Variants in EPC2 observed in about 807,000 individuals in gnomAD.
EPC2 encodes enhancer of polycomb homolog 2.
EPC2 carries 14 observed loss-of-function variants against 92.1 expected under a neutral mutation model. The ratio of observed to expected loss-of-function variants is 0.15; its 90% CI spans 0.10 to 0.24. EPC2 has a LOEUF of 0.24. Among genes scored for constraint, EPC2 ranks in the 10% least tolerant of loss-of-function variants. The pLI, the probability that EPC2 is intolerant of heterozygous loss-of-function variation, is 1.00. For synonymous variants in EPC2, 340 were observed against 334.7 expected (o/e 1.02, Z -0.17); for missense variants, 755 against 971.5 (o/e 0.78, Z 2.96).
At chr2:148,765,991 G>A (rs1217974028) in intron 7 of EPC2, among the ~76,000 whole-genome samples, 1 of 152,080 alleles carries the variant, frequency 6.6e-6, no homozygotes, top group African/African-American at 2.4e-5. Context: ...AGCTGAGATC[G>A]CACCACTGCA....
At chr2:148,779,301 G>A (rs912859610) in intron 10 of EPC2, among the ~76,000 whole-genome samples, 1 of 152,170 alleles carries the variant, frequency 6.6e-6, no homozygotes, top group Non-Finnish European at 1.5e-5. Flanking sequence ...AGCAATTTGG[G>A]CTGGTCACAG....
chr2:148,731,714 A>G (rs1682635419), intron 2 of EPC2, among the ~76,000 whole-genome samples: 1 of 152,170 alleles, frequency 6.6e-6, no homozygotes, highest in South Asian at 2.1e-4. Context: ...AAATTTACAG[A>G]TGCATGAAAG....
intron 2 of EPC2, among the ~76,000 whole-genome samples, chr2:148,733,833 A>C (rs1216268598): frequency 1.3e-5 from 2 of 152,080 alleles, no homozygotes; most frequent in African/African-American, 4.8e-5. Context: ...AAATGTAAAA[A>C]TCTGTTTGTT....
At chr2:148,743,789 T>A in intron 3 of EPC2, 22 bp downstream of exon 3, 1 of 1,482,608 alleles carries the variant, frequency 6.7e-7, no homozygotes, top group Non-Finnish European at 8.9e-7. Context: ...TGTAAAGATG[T>A]CTCTTATCTT....
intron 2 of EPC2, among the ~76,000 whole-genome samples, chr2:148,708,675 C>G (rs919727504): frequency 2.0e-5 from 3 of 152,208 alleles, no homozygotes; most frequent in African/African-American, 7.2e-5. Flanking sequence ...CCCTGGGATG[C>G]AAGGCTGGTT....
chr2:148,755,499 C>T (rs1466372010), intron 4 of EPC2, among the ~76,000 whole-genome samples: 9 of 152,144 alleles, frequency 5.9e-5, no homozygotes, highest in Admixed American at 5.9e-4. Context: ...ATTTCGGTCA[C>T]TGACGGGCTG....
chr2:148,700,892 G>A (rs1416283639), intron 2 of EPC2, among the ~76,000 whole-genome samples: 1 of 152,002 alleles, frequency 6.6e-6, no homozygotes, highest in Non-Finnish European at 1.5e-5. Context: ...TGACATAATA[G>A]TGTCTTCCTG....
chr2:148,678,865 C>G (rs746657965), intron 1 of EPC2, among the ~76,000 whole-genome samples: 6 of 152,212 alleles, frequency 3.9e-5, no homozygotes, highest in Non-Finnish European at 8.8e-5. Flanking sequence ...AAGGGCTCCT[C>G]AAGTGCCGCC....
Position 148,717,292 on chromosome 2 carries a change from C to G in EPC2, c.314-26330C>G, listed in dbSNP as rs545663048. Among the ~76,000 whole-genome samples, 3 of 143,760 alleles carry G rather than the reference C, an allele frequency of 2.1e-5. No individual in the cohort carries two copies. The East Asian group carries it at 6.2e-4, about 30-fold the overall frequency. 94.3% of individuals were successfully genotyped at this position (143,760 alleles called of 152,430 possible). A position where few individuals can be genotyped will look rare whatever the true frequency, so the allele number is the denominator to read the frequency against. The stretch of plus-strand genomic sequence containing the variant: ...TCTTGTCTACTGGTAGCTTTGGGGT[C>G]TGTTTGCCCTTGGTCCTCTAGTTCT... On this transcript the variant is annotated intron_variant, in intron 2 of 13. Transcript: ENST00000258484.
chr2:148,662,317 G>T (rs1006358373), intron 1 of EPC2, among the ~76,000 whole-genome samples: 3 of 152,134 alleles, frequency 2.0e-5, no homozygotes, highest in African/African-American at 7.2e-5. Context: ...CCATTACTGG[G>T]TATATACCCA....
At chr2:148,651,788 T>C (rs1295918201) in intron 1 of EPC2, among the ~76,000 whole-genome samples, 2 of 152,202 alleles carry the variant, frequency 1.3e-5, no homozygotes, top group Non-Finnish European at 2.9e-5. Flanking sequence ...TTTGTTAAAC[T>C]TAATAGATGG....
At chr2:148,785,126 C>A in intron 13 of EPC2, 125 bp downstream of exon 13, 1 of 764,970 alleles carries the variant, frequency 1.3e-6, no homozygotes, top group Non-Finnish European at 1.9e-6. Context: ...TCAATAGATA[C>A]TGAAGATCTG....
intron 2 of EPC2, among the ~76,000 whole-genome samples, chr2:148,720,091 T>C (rs1384857611): frequency 6.6e-6 from 1 of 152,144 alleles, no homozygotes; most frequent in Non-Finnish European, 1.5e-5. Context: ...CTGGACACTT[T>C]GTCCCAGGGA....
intron 1 of EPC2, among the ~76,000 whole-genome samples, chr2:148,683,416 C>T (rs1286711580): frequency 6.6e-6 from 1 of 151,986 alleles, no homozygotes; most frequent in Admixed American, 6.5e-5. Flanking sequence ...TACAGTCATG[C>T]ACCACCACTG....
At chr2:148,688,994 CTT>C (rs1456262464) in intron 1 of EPC2, among the ~76,000 whole-genome samples, 2 of 152,020 alleles carry the variant, frequency 1.3e-5, no homozygotes, top group East Asian at 3.9e-4. Flanking sequence ...GAGGAGTACT[CTT>C]TTAGATTAGA....
Position 148,771,024 on chromosome 2 carries a change from G to A in EPC2, c.1377-20G>A, listed in dbSNP as rs540745251. ...TGTTCAGCTCTCTCAGTTAATATTT[G>A]GTTTTATTTTGCTTTTCAGGGTCAT... is the stretch of plus-strand genomic sequence containing the variant. On this transcript the variant is annotated intron_variant, in intron 9 of 13. Coordinates refer to ENST00000258484, the MANE Select transcript of EPC2 (RefSeq NM_015630.4). 1 of 1,592,312 alleles carries A rather than the reference G, an allele frequency of 6.3e-7. No homozygotes were observed. The highest frequency in any genetic ancestry group is 2.2e-5 in the East Asian group (1 of 44,762).
chr2:148,663,579 T>A (rs1310335108), intron 1 of EPC2, among the ~76,000 whole-genome samples: 1 of 146,102 alleles, frequency 6.8e-6, no homozygotes, highest in Non-Finnish European at 1.5e-5. Flanking sequence ...CCAGTTTTAC[T>A]ATATAGATTA....
intron 4 of EPC2, among the ~76,000 whole-genome samples, chr2:148,755,468 G>A (rs1056509429): frequency 6.6e-5 from 10 of 151,972 alleles, no homozygotes; most frequent in African/African-American, 2.4e-4. Context: ...CCTTAAATAT[G>A]TCATATATAT....
At chr2:148,734,070 T>C (rs1682702225) in intron 2 of EPC2, among the ~76,000 whole-genome samples, 1 of 152,218 alleles carries the variant, frequency 6.6e-6, no homozygotes, top group African/African-American at 2.4e-5. Flanking sequence ...CAAGTCCCCA[T>C]GCCTGGTTGT....
Sources: allele counts gnomAD v4.1 joint callset (sites outside exome capture counted in the v4.1 genomes callset), GRCh38; gene constraint gnomAD v4.1.1; transcripts MANE v1.5; gene names NCBI Gene and HGNC (gene_info 2026-07-23, HGNC 2026-07-21).